Variants in AASS observed in about 807,000 individuals in gnomAD.
The protein encoded by AASS is aminoadipate-semialdehyde synthase.
Under a neutral mutation model 105.4 loss-of-function variants are expected in AASS, and 86 were observed. The observed-to-expected ratio is 0.82, with a 90% confidence interval of 0.69 to 0.98. The LOEUF is 0.98. Ranked by LOEUF, AASS falls within the 50% of genes least tolerant of loss-of-function variation. The probability of loss-of-function intolerance (pLI) is 0.00; values close to 1 mark genes in which losing one functional copy is unlikely to be tolerated. For synonymous variants in AASS, 381 were observed against 394.8 expected, an observed-to-expected ratio of 0.96 and a Z score of 0.41; for missense variants, 1,048 against 1,143.2, an observed-to-expected ratio of 0.92 and a Z score of 1.20.
At position 122,113,611 on chromosome 7, in the gene AASS, T is replaced by C; in HGVS notation, c.1153A>G (p.Ile385Val). ...TAGCAAACTCACCTGTCATGAATAATATGCTGGTCTGCATCATACATGCAA... is the reference window on the plus strand; with the variant it reads ...TAGCAAACTCACCTGTCATGAATAACATGCTGGTCTGCATCATACATGCAA... ...PFCMYDADQHIIHDSVEGSGI... is the reference protein window; with the variant it reads ...PFCMYDADQHVIHDSVEGSGI... The change falls in exon 10 of 24, where the codon ATT (isoleucine) becomes GTT (valine). Residue 385 changes from isoleucine (I) to valine (V), a missense_variant. By Grantham distance (29) the Ile-to-Val change is conservative. Coordinates refer to ENST00000417368, the MANE Select transcript of AASS (RefSeq NM_005763.4). 6.2e-7 allele frequency: 1 copy of C among 1,613,712 alleles called. No individual in the cohort carries two copies. Among genetic ancestry groups the C allele is most frequent in the Non-Finnish European group, 8.5e-7 (1 of 1,179,926 alleles).
At chr7:122,099,230 A>T (rs1338323275) in intron 13 of AASS, among the ~76,000 whole-genome samples, 1 of 151,906 alleles carries the variant, frequency 6.6e-6, no homozygotes, top group African/African-American at 2.4e-5. Flanking sequence ...TCCTTCCAGA[A>T]GATGTGGTTC....
chr7:122,124,984 G>A (rs553406300), intron 4 of AASS, among the ~76,000 whole-genome samples: 7 of 152,210 alleles, frequency 4.6e-5, no homozygotes, highest in Non-Finnish European at 1.0e-4. Context: ...GTGCAGTGGC[G>A]TGATCTCGGC....
intron 3 of AASS, 143 bp from the exon 4 acceptor site, chr7:122,126,602 C>A: frequency 1.4e-6 from 1 of 728,216 alleles, no homozygotes. Flanking sequence ...ATCAGGTATA[C>A]CATGAAATAT....
intron 2 of AASS, among the ~76,000 whole-genome samples, chr7:122,132,948 A>T (rs1168367812): frequency 6.6e-6 from 1 of 152,196 alleles, no homozygotes; most frequent in African/African-American, 2.4e-5. Context: ...ATCTGAACAT[A>T]GACTATATAA....
At chr7:122,088,558 G>A (rs1289513329) in intron 18 of AASS, among the ~76,000 whole-genome samples, 1 of 152,132 alleles carries the variant, frequency 6.6e-6, no homozygotes, top group African/African-American at 2.4e-5. Flanking sequence ...TATTGACAAA[G>A]TACAGCATTC....
At chr7:122,122,892 T>C (rs1177001861) in intron 4 of AASS, among the ~76,000 whole-genome samples, 3 of 152,212 alleles carry the variant, frequency 2.0e-5, no homozygotes, top group Non-Finnish European at 1.5e-5. Context: ...GCTGTTTTAA[T>C]CTGCTTGTGT....
chr7:122,113,651 T>C lies in AASS; in HGVS notation c.1113A>G (p.Thr371=). ...CATACATGCAAAAGGGATGCTCTATTGTTGTACACTCAGTCATAAACTCTA... is the reference window on the plus strand; with the variant it reads ...CATACATGCAAAAGGGATGCTCTATCGTTGTACACTCAGTCATAAACTCTA... ...GSIEFMTECT[T]IEHPFCMYDA... Residue 371 remains threonine, a synonymous_variant, in exon 10 of 24, where the codon ACA becomes ACG. Coordinates refer to ENST00000417368, the MANE Select transcript of AASS (RefSeq NM_005763.4). 4.3e-6 allele frequency: 7 copies of C among 1,613,760 alleles called. No homozygotes were observed. Among genetic ancestry groups the C allele is most frequent in the Non-Finnish European group, 5.9e-6 (7 of 1,179,920 alleles).
At chr7:122,134,231 G>A (rs144633002) in intron 1 of AASS, among the ~76,000 whole-genome samples, 8 of 152,196 alleles carry the variant, frequency 5.3e-5, no homozygotes, top group African/African-American at 1.7e-4. Context: ...GTTTCTCAGT[G>A]TGCCCTAGTG....
chr7:122,103,395 C>A (rs1159874921), intron 11 of AASS, among the ~76,000 whole-genome samples: 1 of 152,036 alleles, frequency 6.6e-6, no homozygotes, highest in Non-Finnish European at 1.5e-5. Flanking sequence ...GAAATAAACT[C>A]TTTCCCAGAC....
At chr7:122,120,856 TC>T (rs1361389770) in intron 4 of AASS, among the ~76,000 whole-genome samples, 2 of 152,102 alleles carry the variant, frequency 1.3e-5, no homozygotes, top group Non-Finnish European at 2.9e-5. Context: ...TTGGAAAATT[TC>T]CAAATATCTT....
At position 122,092,776 on chromosome 7, in the gene AASS, A is replaced by C. The variant is rs573959941; in HGVS notation, c.1875+67T>G. The C allele has an allele frequency of 1.5e-5, 19 of 1,310,122 alleles. No individual in the cohort carries two copies. In the African/African-American group the frequency reaches 2.6e-4, roughly 18 times the overall value. 81.2% of individuals were successfully genotyped at this position (1,310,122 alleles called of 1,614,324 possible). A position where few individuals can be genotyped will look rare whatever the true frequency, so the allele number is the denominator to read the frequency against. On this transcript the variant is annotated intron_variant, in intron 17 of 23. Coordinates refer to ENST00000417368, the MANE Select transcript of AASS (RefSeq NM_005763.4). ...TAAAGGTGTTGCTATATTATAACTCATACTTTGATTCTGTACACAAGAATT... is the reference window on the plus strand; with the variant it reads ...TAAAGGTGTTGCTATATTATAACTCCTACTTTGATTCTGTACACAAGAATT...
At position 122,101,805 on chromosome 7, in the gene AASS, C is replaced by A. The variant is rs1794445620; in HGVS notation, c.1279-125G>T. On this transcript the variant is annotated intron_variant, in intron 11 of 23. Transcript: ENST00000417368. ...ATTTAAGAAACAGTTTTCTGAGGAT[C>A]ACCGAGTATAAGTGATTGCTAATAG... The A allele has an allele frequency of 1.2e-5, 9 of 762,624 alleles. No homozygotes were observed. The South Asian group carries it at 1.4e-4, about 12-fold the overall frequency. The allele number at this position is 762,624 out of a possible 1,614,324, so 47.2% of individuals were successfully genotyped here. A position where few individuals can be genotyped will look rare whatever the true frequency, so the allele number is the denominator to read the frequency against.
Position 122,079,678 on chromosome 7 carries a change from G to T in AASS, c.2315C>A (p.Pro772His), listed in dbSNP as rs772294543. 5.0e-6 allele frequency: 8 copies of T among 1,613,696 alleles called. No individual in the cohort carries two copies. Among genetic ancestry groups the T allele is most frequent in the Admixed American group, 1.7e-5 (1 of 59,992 alleles). ...QLLCDLVGISPSSEHDVLKEA... is the reference protein window; with the variant it reads ...QLLCDLVGISHSSEHDVLKEA... ...CTTCAACACATCATGCTCAGAGGAGGGTGAAATCCCAACTAGGTCACAGAG... is the reference window on the plus strand; with the variant it reads ...CTTCAACACATCATGCTCAGAGGAGTGTGAAATCCCAACTAGGTCACAGAG... Residue 772 changes from proline (P) to histidine (H), a missense_variant, in exon 21 of 24, where the codon CCC becomes CAC. Physicochemically the swap from Pro to His is moderately conservative, Grantham distance 77 (BLOSUM62 -2). Transcript: ENST00000417368.
rs1258728484 is a variant in AASS, at chr7:122,092,858, C to T, written c.1860G>A (p.Lys620=). The T allele has an allele frequency of 1.2e-6, 2 of 1,613,782 alleles. No individual in the cohort carries two copies. The highest frequency in any genetic ancestry group is 2.7e-5 in the African/African-American group (2 of 74,920). Residue 620 remains lysine, a synonymous_variant, in exon 17 of 24, where the codon AAG becomes AAA. Transcript: ENST00000417368. ...MLAMETIDKA[K]EVGATIESYI... is the part of the protein sequence containing the mutation. ...TTGGGCTCACCGTGGCTCCCACTTCCTTGGCTTTATCTATTGTTTCCATTG... is the reference window on the plus strand; with the variant it reads ...TTGGGCTCACCGTGGCTCCCACTTCTTTGGCTTTATCTATTGTTTCCATTG...
At chr7:122,087,341 C>T (rs1212807408) in intron 18 of AASS, among the ~76,000 whole-genome samples, 1 of 152,160 alleles carries the variant, frequency 6.6e-6, no homozygotes, top group Admixed American at 6.5e-5. Flanking sequence ...GTTAGGACCA[C>T]TGGAGTCTTT....
intron 4 of AASS, among the ~76,000 whole-genome samples, chr7:122,120,894 A>G (rs1272156192): frequency 6.6e-6 from 1 of 152,112 alleles, no homozygotes; most frequent in East Asian, 1.9e-4. Flanking sequence ...GGTCAATTCT[A>G]TTACAGTCAG....
At chr7:122,077,749 A>T in intron 23 of AASS, 89 bp downstream of exon 23, 1 of 1,495,008 alleles carries the variant, frequency 6.7e-7, no homozygotes, top group Non-Finnish European at 9.3e-7. Context: ...TGCCTGTGTT[A>T]CGCTCAAGAG....
In AASS at chr7:122,077,908, G is replaced by A; in HGVS notation, c.2592C>T (p.Ile864=). 6.2e-7 allele frequency: 1 copy of A among 1,614,194 alleles called. No individual in the cohort carries two copies. The highest frequency in any genetic ancestry group is 8.5e-7 in the Non-Finnish European group (1 of 1,180,026). ...TTTTAGCCATGGCTGAAAAGCCATT[G>A]ATGTCCCCATAAGCCACAAGATCAA... The part of the protein sequence containing the change: ...KTIDLVAYGD[I]NGFSAMAKTV... The change falls in exon 23 of 24, where the codon ATC becomes ATT. Residue 864 remains isoleucine, a synonymous_variant. Transcript: ENST00000417368.
intron 18 of AASS, 103 bp downstream of exon 18, chr7:122,091,600 G>A (rs1421841236): frequency 6.6e-7 from 1 of 1,524,630 alleles, no homozygotes; most frequent in Non-Finnish European, 9.1e-7. Context: ...AATGGAGACA[G>A]GCAGCATCAC....
Sources: allele counts gnomAD v4.1 joint callset (sites outside exome capture counted in the v4.1 genomes callset), GRCh38; gene constraint gnomAD v4.1.1; transcripts MANE v1.5; gene names NCBI Gene and HGNC (gene_info 2026-07-23, HGNC 2026-07-21).